Variants in IQCJ observed in about 807,000 individuals in gnomAD.
The protein encoded by IQCJ is IQ motif containing J.
In IQCJ, 9 loss-of-function variants were observed where a neutral mutation model predicts 11.0. The observed-to-expected ratio is 0.82, with a 90% CI of 0.49 to 1.43. The LOEUF is 1.43. Among genes scored for constraint, IQCJ ranks in the 40% most tolerant of loss-of-function variants. IQCJ has a pLI of 0.00. For synonymous variants in IQCJ, 55 were observed against 51.3 expected (o/e 1.07, Z -0.31); for missense variants, 146 against 133.2 (o/e 1.10, Z -0.47).
chr3:159,218,622 T>C (rs2108111815), intron 1 of IQCJ, among the ~76,000 whole-genome samples: 1 of 152,148 alleles, frequency 6.6e-6, no homozygotes, highest in South Asian at 2.1e-4. Context: ...CTGGGGAAGA[T>C]TTGAGAGTTT....
At chr3:159,072,030 T>C (rs1372173961) in intron 1 of IQCJ, among the ~76,000 whole-genome samples, 1 of 152,110 alleles carries the variant, frequency 6.6e-6, no homozygotes, top group East Asian at 1.9e-4. Flanking sequence ...TTATTAAGCA[T>C]CACATTGCCA....
intron 1 of IQCJ, among the ~76,000 whole-genome samples, chr3:159,076,127 T>C (rs1462245981): frequency 1.3e-5 from 2 of 152,116 alleles, no homozygotes; most frequent in Non-Finnish European, 2.9e-5. Flanking sequence ...CTCACTGAGC[T>C]TAAAAATATG....
chr3:159,137,654 T>A (rs73027677), intron 1 of IQCJ, among the ~76,000 whole-genome samples: 5,258 of 152,300 alleles, frequency 0.035, 309 homozygotes, highest in African/African-American at 0.12. Flanking sequence ...TATTTAAGTA[T>A]CATGACCATA....
At chr3:159,229,700 T>A (rs1407006875) in intron 1 of IQCJ, among the ~76,000 whole-genome samples, 1 of 36 alleles carries the variant, frequency 0.028, no homozygotes, top group Non-Finnish European at 0.05. Flanking sequence ...CAAAGTCTCT[T>A]CCTCCTCCTC....
chr3:159,200,357 T>C (rs1407235901), intron 1 of IQCJ, among the ~76,000 whole-genome samples: 2 of 152,038 alleles, frequency 1.3e-5, no homozygotes, highest in Non-Finnish European at 2.9e-5. Context: ...AGTGGTATGA[T>C]CATGACTGTG....
chr3:159,132,809 C>T (rs1201960767), intron 1 of IQCJ, among the ~76,000 whole-genome samples: 1 of 152,146 alleles, frequency 6.6e-6, no homozygotes, highest in Non-Finnish European at 1.5e-5. Context: ...TTACCATTTC[C>T]ATTGACTGTT....
intron 1 of IQCJ, among the ~76,000 whole-genome samples, chr3:159,195,067 C>G (rs576192419): frequency 7.3e-5 from 11 of 151,552 alleles, no homozygotes; most frequent in Non-Finnish European, 1.3e-4. Flanking sequence ...GCTGAGATTG[C>G]GCCATTGCAC....
In IQCJ at chr3:159,079,269, A is replaced by G. The variant is rs141159881; in HGVS notation, c.9+9828A>G. On this transcript the variant is annotated intron_variant, in intron 1 of 3. Transcript: ENST00000397832. The stretch of plus-strand genomic sequence containing the variant: ...ACCACCTTTCCAGTTTATGATCAAC[A>G]GTAAGACGAGGGAGCAGTCACCTCC... Among the ~76,000 whole-genome samples, 734 of 152,250 alleles carry G rather than the reference A, an allele frequency of 4.8e-3. 3 individuals carry two copies. Among genetic ancestry groups the G allele is most frequent in the African/African-American group, 0.017 (693 of 41,554 alleles).
intron 3 of IQCJ, among the ~76,000 whole-genome samples, chr3:159,258,195 A>C (rs769291079): frequency 3.0e-4 from 45 of 152,188 alleles, no homozygotes; most frequent in Non-Finnish European, 5.0e-4. Context: ...GGCCACTGCC[A>C]GCTCTAGGCT....
intron 1 of IQCJ, among the ~76,000 whole-genome samples, chr3:159,232,944 A>G (rs1366956071): frequency 3.3e-5 from 5 of 152,198 alleles, no homozygotes; most frequent in Non-Finnish European, 7.3e-5. Context: ...TGGGACAGAT[A>G]GGACTTAACA....
At chr3:159,162,943 C>G (rs1248503474) in intron 1 of IQCJ, among the ~76,000 whole-genome samples, 2 of 152,144 alleles carry the variant, frequency 1.3e-5, no homozygotes, top group East Asian at 3.9e-4. Context: ...AGCTTACCAA[C>G]TAAAAAGAGT....
At chr3:159,094,002 A>T (rs1231780984) in intron 1 of IQCJ, among the ~76,000 whole-genome samples, 1 of 151,872 alleles carries the variant, frequency 6.6e-6, no homozygotes, top group Non-Finnish European at 1.5e-5. Flanking sequence ...AGCCAGTAAG[A>T]AGCCTTTGTC....
At chr3:159,085,883 T>G (rs1042305152) in intron 1 of IQCJ, among the ~76,000 whole-genome samples, 4 of 150,924 alleles carry the variant, frequency 2.7e-5, no homozygotes, top group African/African-American at 9.8e-5. Flanking sequence ...TTCACTCTGA[T>G]GGTAGTTTCT....
In IQCJ at chr3:159,259,876, T is replaced by C. The variant is rs191998329; in HGVS notation, c.156-2672T>C. On this transcript the variant is annotated intron_variant, in intron 3 of 3. Transcript: ENST00000397832. ...GAAGGACAAGTAGTAATGAGAAATA[T>C]ATATATCATAGTATGTTTTAAAAAT... 4.8e-3 allele frequency among the ~76,000 whole-genome samples: 724 copies of C among 152,312 alleles called. 3 individuals are homozygous for C. Among genetic ancestry groups the C allele is most frequent in the Non-Finnish European group, 7.0e-3 (477 of 68,030 alleles).
intron 1 of IQCJ, among the ~76,000 whole-genome samples, chr3:159,135,337 G>A (rs1305604686): frequency 6.6e-6 from 1 of 152,146 alleles, no homozygotes; most frequent in Non-Finnish European, 1.5e-5. Context: ...ATCCCCTCTA[G>A]GCACTGAAGG....
At chr3:159,243,852 A>G (rs1395865377) in intron 1 of IQCJ, among the ~76,000 whole-genome samples, 4 of 152,240 alleles carry the variant, frequency 2.6e-5, no homozygotes, top group South Asian at 4.1e-4. Context: ...AAGCAGGGCA[A>G]TAATTAGAAG....
chr3:159,245,795 G>A (rs570622884), intron 1 of IQCJ, 48 bp from the exon 2 acceptor site: 25 of 1,450,556 alleles, frequency 1.7e-5, no homozygotes, highest in Middle Eastern at 1.8e-4. Context: ...AGCATTGCTC[G>A]GAAGTAGCTG....
intron 1 of IQCJ, among the ~76,000 whole-genome samples, chr3:159,167,058 A>C (rs1722210401): frequency 1.3e-5 from 2 of 152,312 alleles, no homozygotes; most frequent in South Asian, 4.1e-4. Context: ...CATTGATCAA[A>C]CTAAAAATTG....
At chr3:159,085,292 C>T (rs1320433558) in intron 1 of IQCJ, among the ~76,000 whole-genome samples, 1 of 150,706 alleles carries the variant, frequency 6.6e-6, no homozygotes, top group African/African-American at 2.4e-5. Context: ...GTATATGTGC[C>T]ACATTTTCTT....
Sources: gnomAD v4.1 joint callset for allele counts (sites outside exome capture counted in the v4.1 genomes callset) on GRCh38, gnomAD v4.1.1 for gene constraint, MANE v1.5 for transcripts, NCBI Gene and HGNC (gene_info 2026-07-23, HGNC 2026-07-21) for gene names.